ARB2A: variants seen among roughly 807,000 people sequenced by gnomAD.
The protein encoded by ARB2A is ARB2 cotranscriptional regulator A.
chr5:93,860,678 A>T, the ARB2A span: 1 of 146,202 alleles, frequency 6.8e-6, no homozygotes, highest in Non-Finnish European at 1.5e-5. Flanking sequence ...TGTTTGAGAC[A>T]GAGTCTCTCT....
the ARB2A span, among the ~76,000 whole-genome samples, chr5:93,890,890 C>T: frequency 6.6e-6 from 1 of 152,088 alleles, no homozygotes; most frequent in African/African-American, 2.4e-5. Context: ...AAAATCCCTA[C>T]CTACACTCCT....
the ARB2A span, among the ~76,000 whole-genome samples, chr5:93,940,749 G>A: frequency 6.6e-6 from 1 of 151,458 alleles, no homozygotes; most frequent in East Asian, 1.9e-4. Flanking sequence ...TTTAATCTAA[G>A]GCTTGTTAAT....
the ARB2A span, among the ~76,000 whole-genome samples, chr5:93,970,696 C>T: frequency 6.6e-6 from 1 of 152,102 alleles, no homozygotes; most frequent in Non-Finnish European, 1.5e-5. Flanking sequence ...GAAATTAAGT[C>T]ATTTATAATG....
At chr5:93,802,488 TA>T in the ARB2A span, among the ~76,000 whole-genome samples, 1 of 152,064 alleles carries the variant, frequency 6.6e-6, no homozygotes, top group South Asian at 2.1e-4. Context: ...TTTATTTACA[TA>T]AAAAGTACAA....
chr5:93,726,801 T>C, the ARB2A span, among the ~76,000 whole-genome samples: 1 of 152,120 alleles, frequency 6.6e-6, no homozygotes, highest in South Asian at 2.1e-4. Flanking sequence ...GAGCTTGATA[T>C]TCATGTATTC....
At chr5:93,935,576 G>C in the ARB2A span, among the ~76,000 whole-genome samples, 1 of 152,200 alleles carries the variant, frequency 6.6e-6, no homozygotes, top group Admixed American at 6.5e-5. Flanking sequence ...GAGGTGGGCA[G>C]GGGCCAAAAT....
the ARB2A span, among the ~76,000 whole-genome samples, chr5:94,088,370 T>C: frequency 5.4e-4 from 83 of 152,294 alleles, no homozygotes; most frequent in African/African-American, 1.9e-3. Context: ...CTACATCTTA[T>C]AATAAAATAT....
At chr5:94,084,327 G>A in the ARB2A span, among the ~76,000 whole-genome samples, 3 of 146,606 alleles carry the variant, frequency 2.0e-5, no homozygotes, top group Non-Finnish European at 4.5e-5. Flanking sequence ...AAACTTACAT[G>A]ATTAAAATAA....
the ARB2A span, among the ~76,000 whole-genome samples, chr5:93,872,714 G>A: frequency 2.0e-5 from 3 of 151,808 alleles, no homozygotes; most frequent in Admixed American, 6.6e-5. Context: ...TCATGAGATC[G>A]AGACCATCCT....
chr5:93,980,147 A>C, the ARB2A span, among the ~76,000 whole-genome samples: 1 of 152,116 alleles, frequency 6.6e-6, no homozygotes, highest in Non-Finnish European at 1.5e-5. Flanking sequence ...CTTTCTTCTT[A>C]TTAATTCAGT....
At chr5:93,900,328 A>G in the ARB2A span, among the ~76,000 whole-genome samples, 1 of 152,108 alleles carries the variant, frequency 6.6e-6, no homozygotes, top group Admixed American at 6.6e-5. Context: ...AATGTGATAC[A>G]TGGGCTGGGA....
chr5:93,627,283 TG>T, the ARB2A span, among the ~76,000 whole-genome samples: 1 of 152,166 alleles, frequency 6.6e-6, no homozygotes, highest in Admixed American at 6.5e-5. Flanking sequence ...TCCAAACTCT[TG>T]TTCTTATTGA....
chr5:94,022,989 T>C, the ARB2A span, among the ~76,000 whole-genome samples: 1 of 152,164 alleles, frequency 6.6e-6, no homozygotes, highest in South Asian at 2.1e-4. Flanking sequence ...CCACATCACC[T>C]CAACACTCAT....
At chr5:93,767,926 G>A in the ARB2A span, among the ~76,000 whole-genome samples, 4 of 147,718 alleles carry the variant, frequency 2.7e-5, no homozygotes, top group Admixed American at 6.9e-5. Flanking sequence ...CTCGGGAGGC[G>A]GAGCTTGCAG....
the ARB2A span, among the ~76,000 whole-genome samples, chr5:94,020,244 G>GC: frequency 3.2e-4 from 48 of 151,644 alleles, 1 homozygote; most frequent in African/African-American, 1.2e-3. Context: ...ACACGGGGCG[G>GC]GGGGGGTAAC....
the ARB2A span, among the ~76,000 whole-genome samples, chr5:93,714,893 C>T: frequency 2.0e-5 from 3 of 152,094 alleles, no homozygotes; most frequent in South Asian, 2.1e-4. Context: ...ATCACTGCAC[C>T]GGAGTTACAC....
chr5:93,939,858 CTA>C, the ARB2A span, among the ~76,000 whole-genome samples: 1 of 152,008 alleles, frequency 6.6e-6, no homozygotes. Context: ...TAATAGTCTG[CTA>C]TGTTATACCA....
At chr5:93,894,701 C>T in the ARB2A span, among the ~76,000 whole-genome samples, 1 of 152,104 alleles carries the variant, frequency 6.6e-6, no homozygotes, top group African/African-American at 2.4e-5. Flanking sequence ...TCAGCATCTG[C>T]ATTGTGTGCA....
At chr5:94,017,601 T>C in the ARB2A span, among the ~76,000 whole-genome samples, 7 of 152,176 alleles carry the variant, frequency 4.6e-5, no homozygotes, top group Admixed American at 2.0e-4. Context: ...TAACCAGATA[T>C]GCTAAAAGAG....
Sources: gnomAD v4.1 joint callset for allele counts (sites outside exome capture counted in the v4.1 genomes callset) on GRCh38, gnomAD v4.1.1 for gene constraint, MANE v1.5 for transcripts, NCBI Gene and HGNC (gene_info 2026-07-23, HGNC 2026-07-21) for gene names.